Variants in CAST observed in about 807,000 individuals in gnomAD.
The protein encoded by CAST is calpastatin.
In CAST, 76 loss-of-function variants were observed where a neutral mutation model predicts 119.6. The ratio of observed to expected loss-of-function variants is 0.64; its 90% CI spans 0.53 to 0.77. The LOEUF is 0.77. Ranked by LOEUF, CAST falls within the 30% of genes least tolerant of loss-of-function variation. The probability of loss-of-function intolerance (pLI) is 0.00; values close to 1 mark genes in which losing one functional copy is unlikely to be tolerated. For synonymous variants in CAST, 319 were observed against 331.6 expected (o/e 0.96, Z 0.41); for missense variants, 953 against 946.5 (o/e 1.01, Z -0.09).
intron 16 of CAST, chr5:96,743,429 G>A: frequency 3.3e-6 from 2 of 599,842 alleles, no homozygotes; most frequent in Non-Finnish European, 5.6e-6. Flanking sequence ...ACAAGGCAGT[G>A]TTGTGGGGAG....
chr5:96,484,754 G>C, the CAST span, among the ~76,000 whole-genome samples: 1 of 73,684 alleles, frequency 1.4e-5, no homozygotes, highest in Non-Finnish European at 2.9e-5. Context: ...TCATGGTAGA[G>C]CTGGGGGGCC....
the CAST span, among the ~76,000 whole-genome samples, chr5:96,266,504 G>A: frequency 4.6e-5 from 7 of 152,306 alleles, no homozygotes; most frequent in Admixed American, 4.6e-4. Flanking sequence ...CCAAATCAGA[G>A]TGACTGTTCA....
chr5:96,563,263 A>G (rs1054193931), intron 1 of CAST, among the ~76,000 whole-genome samples: 1 of 152,124 alleles, frequency 6.6e-6, no homozygotes, highest in South Asian at 2.1e-4. Flanking sequence ...GAAGGCTCCA[A>G]TGTCACATGA....
At chr5:96,558,394 T>C (rs1437167024) in intron 1 of CAST, among the ~76,000 whole-genome samples, 1 of 151,892 alleles carries the variant, frequency 6.6e-6, no homozygotes, top group Non-Finnish European at 1.5e-5. Context: ...AAAAAAACCC[T>C]TCAAAAAAAT....
intron 20 of CAST, 53 bp downstream of exon 20, chr5:96,750,735 C>T (rs1233343160): frequency 9.6e-6 from 9 of 936,332 alleles, no homozygotes; most frequent in Non-Finnish European, 1.4e-5. Flanking sequence ...TTTCTGCCTC[C>T]TCCTGTCACT....
chr5:96,628,500 C>T (rs985779149), intron 1 of CAST, among the ~76,000 whole-genome samples: 1 of 152,212 alleles, frequency 6.6e-6, no homozygotes, highest in Admixed American at 6.5e-5. Flanking sequence ...TAGAAAGTAT[C>T]TAACCAACCT....
chr5:96,419,780 T>C, the CAST span, among the ~76,000 whole-genome samples: 3 of 152,098 alleles, frequency 2.0e-5, no homozygotes, highest in Admixed American at 1.3e-4. Flanking sequence ...TTATATTTTA[T>C]TTTAATTATT....
intron 2 of CAST, among the ~76,000 whole-genome samples, chr5:96,687,970 A>G (rs1752269477): frequency 6.6e-6 from 1 of 152,228 alleles, no homozygotes; most frequent in African/African-American, 2.4e-5. Flanking sequence ...TCTTACTACC[A>G]GCGCCAATAA....
intron 16 of CAST, among the ~76,000 whole-genome samples, chr5:96,746,112 A>G (rs777951690): frequency 4.6e-5 from 7 of 152,256 alleles, no homozygotes; most frequent in Non-Finnish European, 7.3e-5. Flanking sequence ...GGAGCAGAAC[A>G]GGGCAGTTGC....
At chr5:96,643,565 C>G (rs1747979559) in intron 1 of CAST, among the ~76,000 whole-genome samples, 1 of 151,838 alleles carries the variant, frequency 6.6e-6, no homozygotes, top group South Asian at 2.1e-4. Flanking sequence ...TGGTAAAACC[C>G]CAACTCCATT....
intron 1 of CAST, among the ~76,000 whole-genome samples, chr5:96,662,736 G>C (rs1748725670): frequency 6.6e-6 from 1 of 152,182 alleles, no homozygotes; most frequent in African/African-American, 2.4e-5. Flanking sequence ...TGGAGGGGGG[G>C]ACGCGTCAAG....
At chr5:95,963,397 C>T in the CAST span, among the ~76,000 whole-genome samples, 1 of 152,172 alleles carries the variant, frequency 6.6e-6, no homozygotes, top group Non-Finnish European at 1.5e-5. Flanking sequence ...AGTGGAAACA[C>T]CTGTATTAAG....
the CAST span, among the ~76,000 whole-genome samples, chr5:96,236,327 C>G: frequency 6.6e-6 from 1 of 152,202 alleles, no homozygotes; most frequent in Non-Finnish European, 1.5e-5. Context: ...GATTCTCTGT[C>G]TTTGGCCTGG....
chr5:96,737,132 TATAGGTCCCTCCCTTGA>T (rs1761826857), intron 10 of CAST, among the ~76,000 whole-genome samples: 2 of 152,174 alleles, frequency 1.3e-5, no homozygotes, highest in African/African-American at 4.8e-5. Context: ...ACGTGGGGAT[TATAGGTCCCTCCCTTGA>T]CACATGGGGA....
chr5:96,082,317 G>T, the CAST span, among the ~76,000 whole-genome samples: 1 of 152,178 alleles, frequency 6.6e-6, no homozygotes, highest in Non-Finnish European at 1.5e-5. Context: ...GTTGGCTATT[G>T]TGTGCCACAA....
chr5:96,028,598 T>C, the CAST span, among the ~76,000 whole-genome samples: 1 of 151,984 alleles, frequency 6.6e-6, no homozygotes, highest in African/African-American at 2.4e-5. Context: ...GTATGGTGCA[T>C]TCAAAATAAA....
the CAST span, among the ~76,000 whole-genome samples, chr5:96,027,734 A>G: frequency 1.3e-5 from 2 of 152,192 alleles, no homozygotes; most frequent in South Asian, 2.1e-4. Flanking sequence ...CAAATCTACA[A>G]TGTAAACAGG....
chr5:96,045,620 T>A, the CAST span, among the ~76,000 whole-genome samples: 1 of 152,134 alleles, frequency 6.6e-6, no homozygotes, highest in African/African-American at 2.4e-5. Flanking sequence ...TGACAATAGA[T>A]AATACTTAAA....
chr5:96,407,278 C>T, the CAST span, among the ~76,000 whole-genome samples: 6 of 152,080 alleles, frequency 3.9e-5, no homozygotes, highest in African/African-American at 1.4e-4. Flanking sequence ...TTTTGTGAAC[C>T]AAGGCCATAA....
Sources: gnomAD v4.1 joint callset for allele counts (sites outside exome capture counted in the v4.1 genomes callset) on GRCh38, gnomAD v4.1.1 for gene constraint, MANE v1.5 for transcripts, NCBI Gene and HGNC (gene_info 2026-07-23, HGNC 2026-07-21) for gene names.